The following CEP350 variants were observed in gnomAD, a reference collection of about 807,000 sequenced individuals.
CEP350 encodes the protein centrosomal protein 350.
CEP350 carries 126 observed loss-of-function variants against 331.8 expected under a neutral mutation model. The ratio of observed to expected loss-of-function variants is 0.38; its 90% confidence interval spans 0.33 to 0.44. The LOEUF is 0.44. CEP350 is among the 20% of genes least tolerant of loss of function. The pLI, the probability that CEP350 is intolerant of heterozygous loss-of-function variation, is 1.00. For missense variants in CEP350, 3,406 were observed against 3,634.6 expected (o/e 0.94, Z 1.62); for synonymous variants, 1,200 against 1,259.5 (o/e 0.95, Z 1.00).
At chr1:180,037,356 A>T (rs568807892) in intron 17 of CEP350, among the ~76,000 whole-genome samples, 2 of 150,854 alleles carry the variant, frequency 1.3e-5, no homozygotes, top group Non-Finnish European at 2.9e-5. Context: ...AAAATCATCT[A>T]GTCAAACATT....
intron 16 of CEP350, among the ~76,000 whole-genome samples, chr1:180,036,060 G>A (rs139019276): frequency 1.3e-5 from 2 of 152,164 alleles, no homozygotes; most frequent in Non-Finnish European, 2.9e-5. Context: ...TCCAGCCCTC[G>A]TGGATGACTT....
Position 180,078,525 on chromosome 1 carries a change from A to C in CEP350, c.5830A>C (p.Ile1944Leu). 3 of 1,613,710 alleles carry C rather than the reference A, an allele frequency of 1.9e-6. No homozygotes were observed. The highest frequency in any genetic ancestry group is 2.5e-6 in the Non-Finnish European group (3 of 1,179,784). ...CTCTCATCTAAACAGTGAAAGCTCC[A>C]TTCCAGAAGAATTAGGCAGCCCTGC... ...LYSHLNSESS[I>L]PEELGSPAVE... Residue 1944 changes from isoleucine (I) to leucine (L), a missense_variant, in exon 29 of 38, where the codon ATT becomes CTT. Physicochemically the swap from Ile to Leu is conservative, Grantham distance 5. Transcript: ENST00000367607.
At chr1:179,963,510 A>G (rs1650781154) in intron 1 of CEP350, among the ~76,000 whole-genome samples, 1 of 151,356 alleles carries the variant, frequency 6.6e-6, no homozygotes. Context: ...TAGGGGGTCC[A>G]GTTTCATTCT....
rs751566267 is a variant in CEP350 at position 179,996,971 on chromosome 1, A to G, written c.814A>G (p.Ile272Val). The stretch of plus-strand genomic sequence containing the variant: ...TACTTCTAATTCCCAAAGATTAGAT[A>G]TTCTAAAGCGGCGACAACATGATGT... ...TSTSNSQRLD[I>V]LKRRQHDVKL... The change falls in exon 6 of 38, where the codon ATT (isoleucine) becomes GTT (valine). Residue 272 changes from isoleucine to valine, a missense_variant. Ile to Val is a conservative substitution (Grantham distance 29, BLOSUM62 3). Coordinates refer to ENST00000367607, the MANE Select transcript of CEP350 (RefSeq NM_014810.5). 2 of 1,614,004 alleles carry G rather than the reference A, an allele frequency of 1.2e-6. No homozygotes were observed.
intron 3 of CEP350, among the ~76,000 whole-genome samples, chr1:179,989,041 G>A (rs73032369): frequency 0.017 from 2,555 of 152,046 alleles, 74 homozygotes; most frequent in African/African-American, 0.058. Context: ...AAAACTATTG[G>A]GTGTTTTTGA....
chr1:179,978,612 C>G (rs1471005087), intron 1 of CEP350, among the ~76,000 whole-genome samples: 1 of 152,038 alleles, frequency 6.6e-6, no homozygotes, highest in Non-Finnish European at 1.5e-5. Context: ...TGAGCTTCTG[C>G]ATAGGAGTGA....
intron 29 of CEP350, among the ~76,000 whole-genome samples, chr1:180,079,834 C>G (rs1179535935): frequency 2.6e-5 from 4 of 152,046 alleles, no homozygotes; most frequent in African/African-American, 9.7e-5. Context: ...GAAAATATAT[C>G]AAGGAAATCA....
intron 27 of CEP350, among the ~76,000 whole-genome samples, chr1:180,066,408 G>C (rs1658550686): frequency 6.6e-6 from 1 of 152,032 alleles, no homozygotes; most frequent in Admixed American, 6.5e-5. Flanking sequence ...GATAACCTTT[G>C]GCAGTATACC....
intron 8 of CEP350, among the ~76,000 whole-genome samples, chr1:180,010,026 G>A (rs1269373481): frequency 6.6e-6 from 1 of 151,942 alleles, no homozygotes; most frequent in African/African-American, 2.4e-5. Context: ...CTTAAATAAA[G>A]AACTAGTATT....
At chr1:180,106,662 G>A (rs542321801) in intron 37 of CEP350, among the ~76,000 whole-genome samples, 1 of 152,254 alleles carries the variant, frequency 6.6e-6, no homozygotes, top group East Asian at 1.9e-4. Context: ...GGACTCCTGG[G>A]CTCAAGGGAT....
At chr1:179,988,716 A>G (rs1652830706) in intron 3 of CEP350, among the ~76,000 whole-genome samples, 1 of 151,256 alleles carries the variant, frequency 6.6e-6, no homozygotes, top group Admixed American at 6.6e-5. Flanking sequence ...CTTTCCTAAT[A>G]TACCCTTTTT....
At chr1:180,004,453 A>G (rs1446465390) in intron 7 of CEP350, among the ~76,000 whole-genome samples, 1 of 152,168 alleles carries the variant, frequency 6.6e-6, no homozygotes, top group Non-Finnish European at 1.5e-5. Context: ...TCAACATACT[A>G]TGTGATAACA....
At chr1:179,998,347 C>T (rs1285012245) in intron 6 of CEP350, among the ~76,000 whole-genome samples, 9 of 141,572 alleles carry the variant, frequency 6.4e-5, no homozygotes, top group Middle Eastern at 3.8e-3. Context: ...CTCACTCTGT[C>T]GCCCAGGCTG....
chr1:180,094,854 ACAAG>A (rs1237674213), intron 34 of CEP350, among the ~76,000 whole-genome samples: 1 of 152,144 alleles, frequency 6.6e-6, no homozygotes, highest in Non-Finnish European at 1.5e-5. Context: ...TAGGGTTGTC[ACAAG>A]CACTGGCAGG....
rs754400921 is a variant in CEP350, at chr1:180,094,658, C to T, written c.8511+42C>T. On this transcript the variant is annotated intron_variant, in intron 34 of 37. Coordinates refer to ENST00000367607, the MANE Select transcript of CEP350 (RefSeq NM_014810.5). ...GAAAAAGTATCAGTATACCTTTTGA[C>T]ACTTTTAACAAGGCAACTTACCTTG... 7.7e-6 allele frequency: 12 copies of T among 1,562,636 alleles called. No individual in the cohort carries two copies. In the South Asian group the frequency reaches 1.1e-4, roughly 14 times the overall value.
At chr1:179,967,705 C>G (rs1651121857) in intron 1 of CEP350, among the ~76,000 whole-genome samples, 1 of 152,010 alleles carries the variant, frequency 6.6e-6, no homozygotes, top group Admixed American at 6.5e-5. Context: ...GCCACCGGGC[C>G]CAGCTGGCTT....
In CEP350 at chr1:179,990,540, C is replaced by T. The variant is rs1652979112; in HGVS notation, c.154C>T (p.Pro52Ser). 1.2e-6 allele frequency: 2 copies of T among 1,601,240 alleles called. No individual in the cohort carries two copies. Among genetic ancestry groups the T allele is most frequent in the South Asian group, 2.3e-5 (2 of 88,370 alleles). The change falls in exon 4 of 38, where the codon CCT (proline) becomes TCT (serine). Residue 52 changes from proline to serine, a missense_variant. This residue lies in a region of CEP350 where 1,857 missense variants were observed against 1,909.2 expected (regional missense o/e 0.97). Coordinates refer to ENST00000367607, the MANE Select transcript of CEP350 (RefSeq NM_014810.5). The stretch of plus-strand genomic sequence containing the variant: ...CATTGAAAATAAATTAGAAGTAGCC[C>T]CTACAAGTACAGCTGTGTGTGATTC... ...RHIENKLEVAPTSTAVCDSVM... is the reference protein window; with the variant it reads ...RHIENKLEVASTSTAVCDSVM...
rs1174913869 is a variant in CEP350 at position 179,990,502 on chromosome 1, T to C, written c.121-5T>C. 4 of 1,507,006 alleles carry C rather than the reference T, an allele frequency of 2.7e-6. No homozygotes were observed. The highest frequency in any genetic ancestry group is 2.7e-6 in the Non-Finnish European group (3 of 1,099,434). 93.4% of individuals were successfully genotyped at this position (1,507,006 alleles called of 1,614,324 possible). ...TTATGTCTTATGATGGTGTTTAAACTTTAGCTGAGACACATTGAAAATAAA... is the reference window on the plus strand; with the variant it reads ...TTATGTCTTATGATGGTGTTTAAACCTTAGCTGAGACACATTGAAAATAAA... On this transcript the variant is annotated splice_polypyrimidine_tract_variant and splice_region_variant and intron_variant, in intron 3 of 37. Transcript: ENST00000367607.
At chr1:179,965,624 T>C (rs1229680702) in intron 1 of CEP350, among the ~76,000 whole-genome samples, 17 of 142,504 alleles carry the variant, frequency 1.2e-4, no homozygotes, top group African/African-American at 4.1e-4. Flanking sequence ...TCTTTTTTTT[T>C]TTTTTTTTTT....
Sources: allele counts gnomAD v4.1 joint callset (sites outside exome capture counted in the v4.1 genomes callset), GRCh38; gene constraint gnomAD v4.1.1; regional missense constraint gnomAD v4.1.1; transcripts MANE v1.5; gene names NCBI Gene and HGNC (gene_info 2026-07-23, HGNC 2026-07-21).